Variants in ASTN2 observed in about 807,000 individuals in gnomAD.
ASTN2 encodes astrotactin-2.
Under a neutral mutation model 139.8 loss-of-function variants are expected in ASTN2, and 54 were observed. That is an observed-to-expected ratio of 0.39 (90% CI 0.31 to 0.48). The LOEUF (loss-of-function observed/expected upper bound fraction) is 0.48, where lower values mean the gene tolerates loss of function less well. ASTN2 is among the 20% of genes least tolerant of loss of function. The pLI is 0.95. For synonymous variants in ASTN2, 756 were observed against 719.5 expected (o/e 1.05, Z -0.81); for missense variants, 1,565 against 1,725.1 (o/e 0.91, Z 1.64).
chr9:116,522,441 A>C (rs1023514400), intron 19 of ASTN2, among the ~76,000 whole-genome samples: 5 of 152,126 alleles, frequency 3.3e-5, no homozygotes, highest in Admixed American at 6.6e-5. Context: ...GTATGCTCTC[A>C]CTCATACGTG....
At chr9:116,975,151 G>C (rs1408424182) in intron 10 of ASTN2, 57 bp downstream of exon 10, 3 of 1,476,504 alleles carry the variant, frequency 2.0e-6, no homozygotes, top group South Asian at 1.5e-5. Flanking sequence ...TCTCCAACAG[G>C]GGGACTTCCA....
At chr9:117,241,211 A>C (rs1023286806) in intron 2 of ASTN2, among the ~76,000 whole-genome samples, 1 of 152,228 alleles carries the variant, frequency 6.6e-6, no homozygotes. Flanking sequence ...CGGAGTCGGC[A>C]TGACTCATGA....
rs961485711 is a variant in ASTN2 at position 117,068,639 on chromosome 9, G to C, written c.1276+27405C>G. On this transcript the variant is annotated intron_variant, in intron 5 of 22. Transcript: ENST00000313400. The stretch of plus-strand genomic sequence containing the variant: ...TTCGGCTGTGAATCCATCTGGTCCT[G>C]GACTCTTTTTGGTTGGTAAAGTATT... 3.0e-4 allele frequency among the ~76,000 whole-genome samples: 31 copies of C among 102,224 alleles called. 10 individuals carry two copies. The highest frequency in any genetic ancestry group is 6.4e-4 in the Admixed American group (7 of 10,950). The allele number at this position is 102,224 out of a possible 152,430, so 67.1% of individuals were successfully genotyped here.
intron 20 of ASTN2, among the ~76,000 whole-genome samples, chr9:116,483,785 G>A (rs1329354885): frequency 6.6e-6 from 1 of 152,186 alleles, no homozygotes; most frequent in Non-Finnish European, 1.5e-5. Context: ...CAGAACTCAT[G>A]AGCTAGGATC....
At chr9:116,609,002 G>C (rs939182466) in intron 19 of ASTN2, among the ~76,000 whole-genome samples, 8 of 152,070 alleles carry the variant, frequency 5.3e-5, no homozygotes, top group Non-Finnish European at 1.2e-4. Flanking sequence ...TTCACAGAAG[G>C]CATTGAAGAC....
intron 13 of ASTN2, among the ~76,000 whole-genome samples, chr9:116,799,708 G>C (rs577646152): frequency 1.4e-5 from 2 of 143,780 alleles, no homozygotes; most frequent in Admixed American, 1.4e-4. Flanking sequence ...TAAGAGAGTG[G>C]GGGGGGGGAG....
At chr9:117,164,673 C>A (rs1425633509) in intron 3 of ASTN2, among the ~76,000 whole-genome samples, 1 of 151,988 alleles carries the variant, frequency 6.6e-6, no homozygotes, top group African/African-American at 2.4e-5. Context: ...GCGAAGGTTC[C>A]TCAGGGCATA....
intron 10 of ASTN2, among the ~76,000 whole-genome samples, chr9:116,964,495 C>T (rs889221883): frequency 7.2e-5 from 11 of 152,046 alleles, no homozygotes; most frequent in Non-Finnish European, 1.5e-5. Context: ...ACTGTGAGAC[C>T]GTGGCAGGCA....
chr9:117,074,051 A>T (rs541681881), intron 5 of ASTN2, among the ~76,000 whole-genome samples: 1 of 152,134 alleles, frequency 6.6e-6, no homozygotes, highest in Admixed American at 6.5e-5. Flanking sequence ...CCTGCCGGGA[A>T]TAGAAGGATG....
At chr9:116,971,928 T>C (rs1327554122) in intron 10 of ASTN2, among the ~76,000 whole-genome samples, 2 of 152,222 alleles carry the variant, frequency 1.3e-5, no homozygotes, top group Admixed American at 6.5e-5. Context: ...AGTTAAGATT[T>C]GCACTCAGCC....
intron 10 of ASTN2, among the ~76,000 whole-genome samples, chr9:116,929,327 C>T (rs1376574023): frequency 6.6e-6 from 1 of 152,220 alleles, no homozygotes; most frequent in African/African-American, 2.4e-5. Flanking sequence ...TGGAAGCTGA[C>T]ATGGCTGGAA....
rs1847294783 is a variant in ASTN2 at position 116,425,961 on chromosome 9, G to A, written c.3910C>T (p.Arg1304Trp). 3 of 1,614,104 alleles carry A rather than the reference G, an allele frequency of 1.9e-6. No individual in the cohort carries two copies. Among genetic ancestry groups the A allele is most frequent in the Non-Finnish European group, 8.5e-7 (1 of 1,180,022 alleles). ...PYLFCRSEEV[R>W]PAGMVWYSIL... ...CTATACCACACCATGCCTGCAGGCC[G>A]GACCTCCTCGCTGCGGCAGAAAAGA... Residue 1304 changes from arginine to tryptophan, a missense_variant, in exon 23 of 23, where the codon CGG becomes TGG. Arg to Trp is a moderately radical substitution (Grantham distance 101). This residue lies in a region of ASTN2 where 418 missense variants were observed against 465.8 expected (regional missense o/e 0.90). Transcript: ENST00000313400.
intron 1 of ASTN2, among the ~76,000 whole-genome samples, chr9:117,330,594 C>T (rs1393851442): frequency 1.3e-5 from 2 of 152,130 alleles, no homozygotes; most frequent in South Asian, 2.1e-4. Flanking sequence ...TTTTCCTCTT[C>T]GCCTCCTCCC....
At chr9:116,743,665 C>T (rs916796055) in intron 13 of ASTN2, among the ~76,000 whole-genome samples, 29 of 152,220 alleles carry the variant, frequency 1.9e-4, no homozygotes, top group African/African-American at 5.3e-4. Context: ...GCCACCCCAC[C>T]GAGCTAATTG....
At chr9:117,293,250 G>A (rs926367536) in intron 1 of ASTN2, among the ~76,000 whole-genome samples, 1 of 152,094 alleles carries the variant, frequency 6.6e-6, no homozygotes, top group African/African-American at 2.4e-5. Context: ...AAGGCGTCAT[G>A]CTGTCTTGCC....
chr9:117,185,118 G>A (rs572810894), intron 3 of ASTN2, among the ~76,000 whole-genome samples: 12 of 152,218 alleles, frequency 7.9e-5, no homozygotes, highest in South Asian at 2.1e-4. Flanking sequence ...AAGCCCTGAC[G>A]TTATAGATTG....
At chr9:117,027,087 G>A (rs2132626420) in intron 6 of ASTN2, among the ~76,000 whole-genome samples, 1 of 152,246 alleles carries the variant, frequency 6.6e-6, no homozygotes, top group Non-Finnish European at 1.5e-5. Flanking sequence ...TTAACAAGGA[G>A]ACTCGACTTA....
chr9:116,764,175 A>G (rs1052757238), intron 13 of ASTN2, among the ~76,000 whole-genome samples: 15 of 152,212 alleles, frequency 9.9e-5, no homozygotes, highest in African/African-American at 3.6e-4. Flanking sequence ...GTTCCCTTCA[A>G]GCGGGGACTG....
chr9:117,077,884 C>T (rs1421644127), intron 5 of ASTN2, among the ~76,000 whole-genome samples: 5 of 152,334 alleles, frequency 3.3e-5, no homozygotes, highest in Middle Eastern at 3.4e-3. Context: ...AGAACATCCT[C>T]CACAGGTTAT....
Sources: allele counts gnomAD v4.1 joint callset (sites outside exome capture counted in the v4.1 genomes callset), GRCh38; gene constraint gnomAD v4.1.1; regional missense constraint gnomAD v4.1.1; transcripts MANE v1.5; gene names NCBI Gene and HGNC (gene_info 2026-07-23, HGNC 2026-07-21).